Variants in DDX10 observed in about 807,000 individuals in gnomAD.
DDX10 encodes probable ATP-dependent RNA helicase DDX10.
DDX10 carries 74 observed loss-of-function variants against 104.3 expected under a neutral mutation model. The ratio of observed to expected loss-of-function variants is 0.71; its 90% confidence interval spans 0.59 to 0.86. The LOEUF (loss-of-function observed/expected upper bound fraction) is 0.86, where lower values mean the gene tolerates loss of function less well. Among genes scored for constraint, DDX10 ranks in the 40% least tolerant of loss-of-function variants. The pLI is 0.00. For missense variants in DDX10, 952 were observed against 1,040.0 expected (o/e 0.92, Z 1.16); for synonymous variants, 351 against 353.4 (o/e 0.99, Z 0.08).
intron 16 of DDX10, among the ~76,000 whole-genome samples, chr11:108,862,754 C>G (rs1419030365): frequency 6.6e-6 from 1 of 152,144 alleles, no homozygotes; most frequent in Admixed American, 6.5e-5. Flanking sequence ...CTACTATAAA[C>G]TTATGAGGTG....
chr11:108,804,606 G>A (rs1202628967), intron 13 of DDX10, among the ~76,000 whole-genome samples: 1 of 151,912 alleles, frequency 6.6e-6, no homozygotes, highest in East Asian at 1.9e-4. Flanking sequence ...TCTGGGCACA[G>A]CTTAGCTGGG....
intron 1 of DDX10, 78 bp downstream of exon 1, chr11:108,665,417 T>A (rs12284290): frequency 1.4e-6 from 2 of 1,444,306 alleles, no homozygotes; most frequent in Non-Finnish European, 1.8e-6. Context: ...AGTTGCAGAG[T>A]GGAGGCGGCG....
intron 9 of DDX10, among the ~76,000 whole-genome samples, chr11:108,700,414 C>G (rs1459205973): frequency 6.6e-6 from 1 of 152,184 alleles, no homozygotes; most frequent in African/African-American, 2.4e-5. Flanking sequence ...GACTCTAGAA[C>G]TCATTCTTGC....
intron 13 of DDX10, among the ~76,000 whole-genome samples, chr11:108,787,235 C>CT (rs1280445065): frequency 6.6e-6 from 1 of 152,192 alleles, no homozygotes; most frequent in African/African-American, 2.4e-5. Context: ...GGCGTTCCCT[C>CT]TGCAGGTGAC....
At chr11:108,904,833 TA>T (rs769423373) in intron 16 of DDX10, among the ~76,000 whole-genome samples, 4 of 152,180 alleles carry the variant, frequency 2.6e-5, no homozygotes, top group African/African-American at 7.2e-5. Flanking sequence ...TTTTATGAAT[TA>T]TTGAAATGTT....
chr11:108,887,838 T>C (rs533056442), intron 16 of DDX10, among the ~76,000 whole-genome samples: 1 of 151,970 alleles, frequency 6.6e-6, no homozygotes, highest in East Asian at 1.9e-4. Context: ...GAAAATCGCT[T>C]AAACCTGGGC....
At chr11:108,855,053 G>A (rs1218716219) in intron 16 of DDX10, among the ~76,000 whole-genome samples, 1 of 152,158 alleles carries the variant, frequency 6.6e-6, no homozygotes, top group African/African-American at 2.4e-5. Flanking sequence ...GTACCTAATA[G>A]TGGTTTGGGA....
chr11:108,666,875 A>G (rs939228231), intron 1 of DDX10, among the ~76,000 whole-genome samples: 1 of 152,220 alleles, frequency 6.6e-6, no homozygotes, highest in Non-Finnish European at 1.5e-5. Context: ...AAGTTAATAC[A>G]TGGACATGAG....
At chr11:108,808,521 T>A (rs1263333698) in intron 13 of DDX10, among the ~76,000 whole-genome samples, 2 of 152,172 alleles carry the variant, frequency 1.3e-5, no homozygotes, top group Non-Finnish European at 2.9e-5. Flanking sequence ...TTAGCCACAT[T>A]GTAGAAATAG....
At chr11:108,857,093 C>T (rs777262257) in intron 16 of DDX10, among the ~76,000 whole-genome samples, 1 of 152,208 alleles carries the variant, frequency 6.6e-6, no homozygotes. Flanking sequence ...GTCATAGCTT[C>T]TTTGGTGGCA....
At chr11:108,855,068 T>C (rs1353875680) in intron 16 of DDX10, among the ~76,000 whole-genome samples, 1 of 152,202 alleles carries the variant, frequency 6.6e-6, no homozygotes, top group African/African-American at 2.4e-5. Flanking sequence ...TTGGGAAATA[T>C]AGGTCTTTTG....
chr11:108,827,275 A>G (rs1198189120), intron 13 of DDX10, among the ~76,000 whole-genome samples: 2 of 152,186 alleles, frequency 1.3e-5, no homozygotes, highest in East Asian at 1.9e-4. Context: ...CTTAACTCTC[A>G]TGGGAGTTAC....
chr11:108,812,590 T>C (rs542173575), intron 13 of DDX10, among the ~76,000 whole-genome samples: 12 of 152,332 alleles, frequency 7.9e-5, no homozygotes, highest in African/African-American at 1.4e-4. Context: ...TATCAACTTA[T>C]GCATGTTCTT....
rs190596358 is a variant in DDX10, at chr11:108,731,794, C to G, written c.1965+8332C>G. Among the ~76,000 whole-genome samples the G allele has an allele frequency of 2.2e-3, 337 of 152,154 alleles. 1 individual carries two copies. Among genetic ancestry groups the G allele is most frequent in the Non-Finnish European group, 1.6e-3 (109 of 68,002 alleles). On this transcript the variant is annotated intron_variant, in intron 13 of 17. Transcript: ENST00000322536. The stretch of plus-strand genomic sequence containing the variant: ...GGAGGCTGCTTTTTTCCTTTATTAC[C>G]TATTTTTAAGGATAGACGAGATATA...
At chr11:108,938,988 AT>A (rs1303983377) in intron 17 of DDX10, among the ~76,000 whole-genome samples, 1 of 152,046 alleles carries the variant, frequency 6.6e-6, no homozygotes, top group Non-Finnish European at 1.5e-5. Flanking sequence ...TTATTTATTT[AT>A]TTTGCTGATT....
chr11:108,875,617 T>G (rs1167324574), intron 16 of DDX10, among the ~76,000 whole-genome samples: 1 of 152,214 alleles, frequency 6.6e-6, no homozygotes, highest in Non-Finnish European at 1.5e-5. Context: ...CCACAACAAA[T>G]GACCAGGTGT....
Position 108,758,164 on chromosome 11 carries a change from A to G in DDX10, c.1965+34702A>G, listed in dbSNP as rs189766014. 1.1e-3 allele frequency among the ~76,000 whole-genome samples: 166 copies of G among 152,146 alleles called. 1 individual carries two copies. Among genetic ancestry groups the G allele is most frequent in the Middle Eastern group, 6.8e-3 (2 of 294 alleles). ...GTGGCAGAGACTTAGGTTCATGGTG[A>G]TAAGTGAGGGGTGAAGCTATAGGTT... is the stretch of plus-strand genomic sequence containing the variant. On this transcript the variant is annotated intron_variant, in intron 13 of 17. Transcript: ENST00000322536.
chr11:108,923,121 G>A (rs1863856203), intron 17 of DDX10, among the ~76,000 whole-genome samples: 1 of 152,180 alleles, frequency 6.6e-6, no homozygotes, highest in Non-Finnish European at 1.5e-5. Flanking sequence ...TAGATGTTAG[G>A]ATTTGTTGTT....
At chr11:108,896,760 T>G (rs1863446823) in intron 16 of DDX10, among the ~76,000 whole-genome samples, 3 of 152,178 alleles carry the variant, frequency 2.0e-5, no homozygotes, top group African/African-American at 7.2e-5. Flanking sequence ...TTTTATTGAG[T>G]GCCTTCCTTG....
Sources: allele counts gnomAD v4.1 joint callset (sites outside exome capture counted in the v4.1 genomes callset), GRCh38; gene constraint gnomAD v4.1.1; transcripts MANE v1.5; gene names NCBI Gene and HGNC (gene_info 2026-07-23, HGNC 2026-07-21).